CLCA1: variants seen among roughly 807,000 people sequenced by gnomAD.
The protein encoded by CLCA1 is calcium-activated chloride channel regulator 1.
In CLCA1, 59 loss-of-function variants were observed where a neutral mutation model predicts 85.6. The observed-to-expected ratio is 0.69, with a 90% CI of 0.56 to 0.86. The LOEUF (loss-of-function observed/expected upper bound fraction) is 0.86. CLCA1 is among the 40% of genes least tolerant of loss of function. The pLI is 0.00. For synonymous variants in CLCA1, 396 were observed against 398.3 expected, an observed-to-expected ratio of 0.99 and a Z score of 0.07; for missense variants, 1,022 against 1,101.4, an observed-to-expected ratio of 0.93 and a Z score of 1.02.
intron 1 of CLCA1, among the ~76,000 whole-genome samples, chr1:86,471,354 T>A (rs2101726243): frequency 6.6e-6 from 1 of 152,326 alleles, no homozygotes; most frequent in African/African-American, 2.4e-5. Context: ...CAATATACTG[T>A]CCCTGTCCTG....
At chr1:86,493,677 A>C (rs923992366) in intron 10 of CLCA1, 78 bp downstream of exon 10, 3 of 1,143,924 alleles carry the variant, frequency 2.6e-6, no homozygotes, top group Non-Finnish European at 2.5e-6. Context: ...GTAGCATTTT[A>C]AATGTTGGTG....
intron 8 of CLCA1, among the ~76,000 whole-genome samples, chr1:86,490,290 G>A (rs772275271): frequency 3.9e-5 from 6 of 152,258 alleles, no homozygotes; most frequent in South Asian, 2.1e-4. Context: ...CACTTGGCTG[G>A]GTAAGGGGAT....
At chr1:86,488,855 G>C in intron 7 of CLCA1, 141 bp from the exon 8 acceptor site, 1 of 648,734 alleles carries the variant, frequency 1.5e-6, no homozygotes, top group Non-Finnish European at 2.7e-6. Flanking sequence ...ATCATTTCAA[G>C]ACAGACAGAT....
At chr1:86,497,854 G>A (rs1029109102) in intron 12 of CLCA1, among the ~76,000 whole-genome samples, 1 of 152,014 alleles carries the variant, frequency 6.6e-6, no homozygotes, top group African/African-American at 2.4e-5. Flanking sequence ...AAAACACTTA[G>A]TCTTTAGGCC....
In CLCA1 at chr1:86,499,973, C is replaced by T. The variant is rs1398589492; in HGVS notation, c.2673C>T (p.Ser891=). ...SAPCPNIHIN[S]TIPGIHILKI... ...CTTGTCCTAATATTCATATCAACAG[C>T]ACCATTCCTGGCATTCACATTTTAA... Residue 891 remains serine (S), a synonymous_variant, in exon 14 of 14, where the codon AGC becomes AGT. Transcript: ENST00000394711. The T allele has an allele frequency of 6.2e-7, 1 of 1,611,992 alleles. No homozygotes were observed. Among genetic ancestry groups the T allele is most frequent in the Non-Finnish European group, 8.5e-7 (1 of 1,178,190 alleles).
Position 86,473,887 on chromosome 1 carries a change from T to C in CLCA1, c.451+11T>C. ...AATATGGACCACAAGGTATGAAATATTCTACCATACTTCTCATACAATTTA... is the reference window on the plus strand; with the variant it reads ...AATATGGACCACAAGGTATGAAATACTCTACCATACTTCTCATACAATTTA... On this transcript the variant is annotated intron_variant, in intron 3 of 13. Transcript: ENST00000394711. 6.3e-7 allele frequency: 1 copy of C among 1,585,790 alleles called. No individual in the cohort carries two copies. Among genetic ancestry groups the C allele is most frequent in the Non-Finnish European group, 8.6e-7 (1 of 1,164,286 alleles).
At chr1:86,495,473 C>T (rs202187782) in intron 11 of CLCA1, 32 bp from the exon 12 acceptor site, 644 of 1,558,742 alleles carry the variant, frequency 4.1e-4, no homozygotes, top group Non-Finnish European at 5.4e-4. Context: ...CTCCCCGTTA[C>T]CTATTTATTA....
At chr1:86,495,035 G>C (rs1299043751) in intron 11 of CLCA1, among the ~76,000 whole-genome samples, 1 of 121,576 alleles carries the variant, frequency 8.2e-6, no homozygotes, top group Non-Finnish European at 1.7e-5. Flanking sequence ...GAATTCTACA[G>C]TTTAAAAAAA....
At chr1:86,484,265 T>C (rs1440269188) in intron 5 of CLCA1, among the ~76,000 whole-genome samples, 3 of 152,092 alleles carry the variant, frequency 2.0e-5, no homozygotes, top group African/African-American at 7.2e-5. Context: ...CTATAAAGGG[T>C]GGAATGGAAA....
At chr1:86,479,917 G>A (rs969543037) in intron 4 of CLCA1, among the ~76,000 whole-genome samples, 2 of 151,886 alleles carry the variant, frequency 1.3e-5, no homozygotes, top group African/African-American at 2.4e-5. Context: ...CAAACAATGT[G>A]GGCAGACATT....
intron 8 of CLCA1, 97 bp downstream of exon 8, chr1:86,489,267 G>A: frequency 8.3e-7 from 1 of 1,206,940 alleles, no homozygotes; most frequent in South Asian, 1.5e-5. Context: ...GATGGAGAGA[G>A]ATAGGATAAC....
intron 10 of CLCA1, 111 bp downstream of exon 10, chr1:86,493,710 T>C (rs1232564512): frequency 4.9e-6 from 4 of 815,484 alleles, no homozygotes; most frequent in African/African-American, 3.5e-5. Context: ...AGAGTCAGTA[T>C]TGAATCAAAG....
chr1:86,469,153 C>A lies in CLCA1; in HGVS notation c.162+20C>A. ...ATAAAGGTAAGTTCATAGTAATTAT[C>A]CATACTTTTTTAAAAATAGCATAAT... is the stretch of plus-strand genomic sequence containing the variant. On this transcript the variant is annotated intron_variant, in intron 1 of 13. Transcript: ENST00000394711. 2 of 1,555,710 alleles carry A rather than the reference C, an allele frequency of 1.3e-6. No homozygotes were observed. The highest frequency in any genetic ancestry group is 2.3e-5 in the East Asian group (1 of 43,596).
rs777208996 is a variant in CLCA1, at chr1:86,485,415, C to A, written c.808C>A (p.Arg270=). 6.2e-7 allele frequency: 1 copy of A among 1,614,116 alleles called. No homozygotes were observed. The highest frequency in any genetic ancestry group is 2.2e-5 in the East Asian group (1 of 44,886). The stretch of plus-strand genomic sequence containing the variant: ...CAAGCAAAATCAAAAATGCAATCTC[C>A]GAAGCACATGGGAAGTGATCCGTGA... ...PNKQNQKCNL[R]STWEVIRDSE... Residue 270 remains arginine (R), a synonymous_variant, in exon 6 of 14, where the codon CGA becomes AGA. Transcript: ENST00000394711.
At chr1:86,471,935 C>T (rs1056614656) in intron 1 of CLCA1, among the ~76,000 whole-genome samples, 4 of 152,162 alleles carry the variant, frequency 2.6e-5, no homozygotes, top group Admixed American at 6.5e-5. Context: ...GCTCCTAACA[C>T]GACCCCCACT....
chr1:86,495,741 G>A (rs868083386), intron 12 of CLCA1, 66 bp downstream of exon 12: 3 of 1,422,970 alleles, frequency 2.1e-6, no homozygotes, highest in Middle Eastern at 1.8e-4. Context: ...AAACTATTAA[G>A]CCTGTGGGGC....
chr1:86,498,218 TGTA>T lies in CLCA1; in HGVS notation c.2114-350_2114-348del, dbSNP rs1190688923. On this transcript the variant is annotated intron_variant, in intron 12 of 13. Transcript: ENST00000394711. ...AGGAAGGAAGGAAGGAAAAAACAGA[TGTA>T]GTATTTAAACTGACCTTGTGGAAAG... Among the ~76,000 whole-genome samples, 5 of 132,930 alleles carry T rather than the reference TGTA, an allele frequency of 3.8e-5. No individual in the cohort carries two copies. The East Asian group carries it at 1.1e-3, about 29-fold the overall frequency. The allele number at this position is 132,930 out of a possible 152,430, so 87.2% of individuals were successfully genotyped here. A position where few individuals can be genotyped will look rare whatever the true frequency, so the allele number is the denominator to read the frequency against.
chr1:86,493,026 T>C (rs1648177796), intron 9 of CLCA1, among the ~76,000 whole-genome samples: 1 of 152,048 alleles, frequency 6.6e-6, no homozygotes, highest in Non-Finnish European at 1.5e-5. Flanking sequence ...ATATTTGAAT[T>C]TTGAAGGATG....
At chr1:86,496,207 A>C (rs1404522020) in intron 12 of CLCA1, among the ~76,000 whole-genome samples, 5 of 152,274 alleles carry the variant, frequency 3.3e-5, no homozygotes, top group African/African-American at 9.6e-5. Flanking sequence ...TATTTTAAAA[A>C]CACTTCTAAT....
Sources: allele counts gnomAD v4.1 joint callset (sites outside exome capture counted in the v4.1 genomes callset), GRCh38; gene constraint gnomAD v4.1.1; transcripts MANE v1.5; gene names NCBI Gene and HGNC (gene_info 2026-07-23, HGNC 2026-07-21).